CDH4: variants seen among roughly 807,000 people sequenced by gnomAD.
CDH4 encodes the protein cadherin 4, also known as cadherin-4.
A neutral mutation model predicts 86.0 loss-of-function variants in CDH4; 33 were observed. The ratio of observed to expected loss-of-function variants is 0.38; its 90% CI spans 0.29 to 0.51. The LOEUF (loss-of-function observed/expected upper bound fraction) is 0.51. Among genes scored for constraint, CDH4 ranks in the 20% least tolerant of loss-of-function variants. CDH4 has a pLI of 0.86. For missense variants in CDH4, 1,114 were observed against 1,307.4 expected (o/e 0.85, Z 2.28); for synonymous variants, 555 against 549.4 (o/e 1.01, Z -0.14).
intron 2 of CDH4, among the ~76,000 whole-genome samples, chr20:61,535,642 C>T (rs1038263605): frequency 6.6e-6 from 1 of 152,176 alleles, no homozygotes; most frequent in African/African-American, 2.4e-5. Flanking sequence ...TGGGACTTCC[C>T]GAGGGCAGCA....
chr20:61,627,364 C>G (rs551040475), intron 2 of CDH4, among the ~76,000 whole-genome samples: 21 of 152,276 alleles, frequency 1.4e-4, no homozygotes, highest in African/African-American at 5.1e-4. Flanking sequence ...ACTCAGGTCT[C>G]CCCCTTGGCA....
rs2054870259 is a variant in CDH4 at position 61,913,228 on chromosome 20, G to A, written c.1374+2621G>A. On this transcript the variant is annotated intron_variant, in intron 9 of 15. Coordinates refer to ENST00000614565, the MANE Select transcript of CDH4 (RefSeq NM_001794.5). ...ACACACAGCCCCGCCACCTTCATCA[G>A]CCCAACATAGATCAGAAAGGGCCGG... is the stretch of plus-strand genomic sequence containing the variant. Among the ~76,000 whole-genome samples the A allele has an allele frequency of 2.0e-5, 3 of 152,294 alleles. No individual in the cohort carries two copies. In the South Asian group the frequency reaches 6.2e-4, roughly 32 times the overall value.
chr20:61,761,712 G>A (rs546229906), intron 3 of CDH4, among the ~76,000 whole-genome samples: 13 of 152,150 alleles, frequency 8.5e-5, no homozygotes, highest in East Asian at 3.9e-4. Context: ...GGGTGAGCGC[G>A]GATTTTGTTA....
intron 2 of CDH4, among the ~76,000 whole-genome samples, chr20:61,399,767 C>T (rs2085039828): frequency 6.6e-6 from 1 of 152,216 alleles, no homozygotes; most frequent in African/African-American, 2.4e-5. Flanking sequence ...TTCCTGCTCA[C>T]ATGTGTGATG....
intron 4 of CDH4, among the ~76,000 whole-genome samples, chr20:61,821,534 C>T (rs35034343): frequency 0.39 from 50,844 of 130,250 alleles, 11,270 homozygotes; most frequent in Non-Finnish European, 0.54. Flanking sequence ...TCACTCCCTA[C>T]GCAGCCCCCA....
intron 2 of CDH4, among the ~76,000 whole-genome samples, 199 bp from the exon 3 acceptor site, chr20:61,743,364 C>G (rs1220472551): frequency 1.3e-5 from 2 of 152,196 alleles, no homozygotes; most frequent in Non-Finnish European, 2.9e-5. Flanking sequence ...TCTTCCCCCC[C>G]TTTTTTAAAG....
chr20:61,346,741 C>CAACAAAA (rs2084681293), intron 2 of CDH4, among the ~76,000 whole-genome samples: 1 of 135,442 alleles, frequency 7.4e-6, no homozygotes, highest in African/African-American at 2.7e-5. Flanking sequence ...GAGACTCTGT[C>CAACAAAA]AAAAAAAAAA....
At chr20:61,551,255 G>A (rs538539742) in intron 2 of CDH4, among the ~76,000 whole-genome samples, 17 of 152,294 alleles carry the variant, frequency 1.1e-4, no homozygotes, top group South Asian at 8.3e-4. Context: ...ATGATGTGCC[G>A]GATGTGTAAG....
chr20:61,259,973 G>T (rs2084120002), intron 2 of CDH4, among the ~76,000 whole-genome samples: 1 of 152,194 alleles, frequency 6.6e-6, no homozygotes, highest in Admixed American at 6.5e-5. Flanking sequence ...TTTGAGGATG[G>T]TGGAACACAA....
rs867452742 is a variant in CDH4 at position 61,348,100 on chromosome 20, T to C, written c.169+93163T>C. On this transcript the variant is annotated intron_variant, in intron 2 of 15. Transcript: ENST00000614565. Reference sequence around the variant, plus strand: ...TTCCTACATTTGGAGAGAGTAGGTATATTAGTCTGTTCTTACACTGCTAAT... The same window carrying C: ...TTCCTACATTTGGAGAGAGTAGGTACATTAGTCTGTTCTTACACTGCTAAT... Among the ~76,000 whole-genome samples the C allele has an allele frequency of 9.8e-5, 15 of 152,316 alleles. No individual in the cohort carries two copies. The South Asian group carries it at 1.4e-3, about 15-fold the overall frequency.
rs183844911 is a variant in CDH4 at position 61,847,552 on chromosome 20, C to T, written c.732+2729C>T. Among the ~76,000 whole-genome samples, 155 of 152,362 alleles carry T rather than the reference C, an allele frequency of 1.0e-3. 1 individual carries two copies. The highest frequency in any genetic ancestry group is 2.1e-4 in the South Asian group (1 of 4,832). On this transcript the variant is annotated intron_variant, in intron 5 of 15. Coordinates refer to ENST00000614565, the MANE Select transcript of CDH4 (RefSeq NM_001794.5). ...CGTGCAAACATGCCGTGTAAACATG[C>T]GGTGTAAACACGCTGTGTAAACATG...
At chr20:61,598,077 A>G (rs2252593) in intron 2 of CDH4, among the ~76,000 whole-genome samples, 84,213 of 152,108 alleles carry the variant, frequency 0.55, 25,311 homozygotes, top group Non-Finnish European at 0.66. Flanking sequence ...CAGTGAACAC[A>G]TGCCAAGCTC....
intron 2 of CDH4, among the ~76,000 whole-genome samples, chr20:61,404,275 T>C (rs532733950): frequency 1.2e-4 from 19 of 152,032 alleles, no homozygotes; most frequent in African/African-American, 4.6e-4. Context: ...TGTTCCTGAT[T>C]GTTTTAATTT....
intron 2 of CDH4, among the ~76,000 whole-genome samples, chr20:61,376,702 C>T (rs1330384003): frequency 6.6e-6 from 1 of 152,214 alleles, no homozygotes; most frequent in East Asian, 1.9e-4. Flanking sequence ...TGTGTGGCTG[C>T]TCCCGTTTTT....
intron 2 of CDH4, among the ~76,000 whole-genome samples, chr20:61,341,360 A>G (rs1231333452): frequency 1.3e-5 from 2 of 152,226 alleles, no homozygotes; most frequent in African/African-American, 2.4e-5. Context: ...GGCTTCAGCT[A>G]TGTAAACTCA....
At chr20:61,454,108 A>G (rs529305089) in intron 2 of CDH4, among the ~76,000 whole-genome samples, 13 of 152,334 alleles carry the variant, frequency 8.5e-5, no homozygotes, top group Admixed American at 3.9e-4. Flanking sequence ...AGACTAACAC[A>G]TGGCCATCCT....
At chr20:61,574,701 G>T (rs1472058583) in intron 2 of CDH4, among the ~76,000 whole-genome samples, 1 of 152,150 alleles carries the variant, frequency 6.6e-6, no homozygotes, top group Admixed American at 6.5e-5. Flanking sequence ...GGATGGAAGT[G>T]CTCCGGCCTC....
chr20:61,839,054 C>T (rs1028898023), intron 4 of CDH4, among the ~76,000 whole-genome samples: 1 of 152,120 alleles, frequency 6.6e-6, no homozygotes, highest in Admixed American at 6.5e-5. Flanking sequence ...CAAGGGTCTG[C>T]GATCTGTTTT....
intron 11 of CDH4, among the ~76,000 whole-genome samples, chr20:61,925,933 C>A (rs888771054): frequency 9.9e-5 from 15 of 152,222 alleles, no homozygotes; most frequent in Non-Finnish European, 1.3e-4. Flanking sequence ...AAGCCCAGAA[C>A]TTACTGATGC....
Sources: gnomAD v4.1 joint callset for allele counts (sites outside exome capture counted in the v4.1 genomes callset) on GRCh38, gnomAD v4.1.1 for gene constraint, MANE v1.5 for transcripts, NCBI Gene and HGNC (gene_info 2026-07-23, HGNC 2026-07-21) for gene names.